CEP126: variants seen among roughly 807,000 people sequenced by gnomAD.
CEP126 encodes the protein centrosomal protein of 126 kDa.
A neutral mutation model predicts 107.8 loss-of-function variants in CEP126; 74 were observed. The ratio of observed to expected loss-of-function variants is 0.69; its 90% CI spans 0.57 to 0.83. The LOEUF (loss-of-function observed/expected upper bound fraction) is 0.83, where lower values mean the gene tolerates loss of function less well. Among genes scored for constraint, CEP126 ranks in the 40% least tolerant of loss-of-function variants. The pLI is 0.00. For synonymous variants in CEP126, 449 were observed against 446.0 expected, an observed-to-expected ratio of 1.01 and a Z score of -0.08; for missense variants, 1,237 against 1,281.9, an observed-to-expected ratio of 0.96 and a Z score of 0.53.
chr11:101,990,989 T>A (rs1352735087), intron 9 of CEP126, among the ~76,000 whole-genome samples: 1 of 151,860 alleles, frequency 6.6e-6, no homozygotes, highest in Non-Finnish European at 1.5e-5. Flanking sequence ...CTGGGCAACA[T>A]GGTGAAACCC....
In CEP126 at chr11:101,922,719, T is replaced by G; in HGVS notation, c.207T>G (p.Asn69Lys). The stretch of plus-strand genomic sequence containing the variant: ...TGCAGCAACAAAAAATATGTCGAAA[T>G]CGAGCACGTAAATATTTTGTGGAGT... ...ILLQQQKICRNRARKYFVESN... is the reference protein window; with the variant it reads ...ILLQQQKICRKRARKYFVESN... Residue 69 changes from asparagine to lysine, a missense_variant, in exon 2 of 11, where the codon AAT becomes AAG. This residue lies in a region of CEP126 where 1,134 missense variants were observed against 1,150.5 expected (regional missense o/e 0.99). Transcript: ENST00000263468. 1 of 1,612,896 alleles carries G rather than the reference T, an allele frequency of 6.2e-7. No individual in the cohort carries two copies. Among genetic ancestry groups the G allele is most frequent in the Non-Finnish European group, 8.5e-7 (1 of 1,179,132 alleles).
intron 3 of CEP126, among the ~76,000 whole-genome samples, chr11:101,946,641 A>C (rs1940740627): frequency 6.6e-6 from 1 of 152,036 alleles, no homozygotes; most frequent in African/African-American, 2.4e-5. Context: ...CGGGTGGACC[A>C]CTGAGGTTGG....
chr11:101,921,934 C>G (rs746668294), intron 1 of CEP126, among the ~76,000 whole-genome samples: 1 of 150,174 alleles, frequency 6.7e-6, no homozygotes, highest in African/African-American at 2.4e-5. Flanking sequence ...TACAGGTACC[C>G]GCCACCACGC....
chr11:101,949,175 G>A (rs1465033652), intron 4 of CEP126, among the ~76,000 whole-genome samples: 1 of 152,210 alleles, frequency 6.6e-6, no homozygotes, highest in African/African-American at 2.4e-5. Flanking sequence ...GTAAGAGTAT[G>A]TGTACATCAT....
chr11:101,985,988 ATTTCTTTTTTTTT>A (rs1305059578), intron 8 of CEP126, among the ~76,000 whole-genome samples: 1 of 126,458 alleles, frequency 7.9e-6, no homozygotes, highest in African/African-American at 3.0e-5. Flanking sequence ...CTCTGAATTG[ATTTCTTTTTTTTT>A]TTTTTTTTTT....
chr11:101,952,789 A>C (rs1940830091), intron 4 of CEP126, among the ~76,000 whole-genome samples: 1 of 152,218 alleles, frequency 6.6e-6, no homozygotes, highest in African/African-American at 2.4e-5. Context: ...GAATGTAGAC[A>C]TGACAGTCAT....
At chr11:101,995,035 C>T (rs1386706834) in intron 10 of CEP126, among the ~76,000 whole-genome samples, 1 of 152,132 alleles carries the variant, frequency 6.6e-6, no homozygotes, top group Non-Finnish European at 1.5e-5. Flanking sequence ...GCCCTCCACC[C>T]CCGACAGGCC....
chr11:101,930,924 T>C (rs1940490003), intron 2 of CEP126, among the ~76,000 whole-genome samples: 1 of 152,216 alleles, frequency 6.6e-6, no homozygotes, highest in Non-Finnish European at 1.5e-5. Context: ...GAGTTTTAGT[T>C]GTACTTAGCG....
rs554382552 is a variant in CEP126, at chr11:101,941,442, A to G, written c.249-2823A>G. 1.2e-4 allele frequency among the ~76,000 whole-genome samples: 19 copies of G among 152,272 alleles called. No homozygotes were observed. The East Asian group carries it at 3.5e-3, about 28-fold the overall frequency. On this transcript the variant is annotated intron_variant, in intron 2 of 10. Transcript: ENST00000263468. ...TATTTCACTTAGCAGAATGTTTTCA[A>G]GGTTCATTTATGTGTAGCACATGCC...
intron 5 of CEP126, among the ~76,000 whole-genome samples, chr11:101,959,289 G>T (rs1940942539): frequency 1.3e-5 from 2 of 151,810 alleles, no homozygotes; most frequent in Admixed American, 6.6e-5. Flanking sequence ...CCGAGTAGCT[G>T]GGACTACAGG....
intron 1 of CEP126, among the ~76,000 whole-genome samples, chr11:101,919,590 A>G (rs1024939194): frequency 6.6e-6 from 1 of 152,290 alleles, no homozygotes; most frequent in Non-Finnish European, 1.5e-5. Context: ...CTTGAATACC[A>G]TATTTGAAAT....
At chr11:101,985,627 G>A (rs865980061) in intron 8 of CEP126, among the ~76,000 whole-genome samples, 1 of 152,076 alleles carries the variant, frequency 6.6e-6, no homozygotes, top group South Asian at 2.1e-4. Context: ...CATATCTCAT[G>A]TGTATGCAAA....
chr11:101,994,133 G>A (rs1941416345), intron 10 of CEP126, among the ~76,000 whole-genome samples: 1 of 152,224 alleles, frequency 6.6e-6, no homozygotes. Context: ...TACTCAGGAG[G>A]CTGAGGCAGG....
In CEP126 at chr11:101,958,382, A is replaced by G; in HGVS notation, c.705+16A>G. 1 of 1,602,912 alleles carries G rather than the reference A, an allele frequency of 6.2e-7. No homozygotes were observed. The highest frequency in any genetic ancestry group is 8.5e-7 in the Non-Finnish European group (1 of 1,171,962). ...CAATTTGCAAGTATGAAACTATAAA[A>G]ATGTTGTTAATATTTTAATTCCTTG... On this transcript the variant is annotated intron_variant, in intron 5 of 10. Coordinates refer to ENST00000263468, the MANE Select transcript of CEP126 (RefSeq NM_020802.4).
At chr11:101,978,547 A>G (rs749966666) in intron 7 of CEP126, 88 bp downstream of exon 7, 49 of 792,476 alleles carry the variant, frequency 6.2e-5, no homozygotes, top group Non-Finnish European at 9.8e-5. Flanking sequence ...CTCTTGCTGT[A>G]AACTGTATAC....
intron 2 of CEP126, among the ~76,000 whole-genome samples, chr11:101,933,187 A>T (rs992397844): frequency 6.6e-6 from 1 of 152,168 alleles, no homozygotes; most frequent in Admixed American, 6.6e-5. Context: ...GCCCTATGCT[A>T]TGTGCTGACA....
intron 6 of CEP126, among the ~76,000 whole-genome samples, chr11:101,965,760 A>G (rs999769198): frequency 1.3e-5 from 2 of 152,196 alleles, no homozygotes; most frequent in Admixed American, 1.3e-4. Context: ...CTGAGAAATA[A>G]ATATTTTTAA....
At chr11:101,946,658 G>A (rs1940740952) in intron 3 of CEP126, among the ~76,000 whole-genome samples, 3 of 151,772 alleles carry the variant, frequency 2.0e-5, no homozygotes, top group Non-Finnish European at 2.9e-5. Context: ...TTGGGAGTTC[G>A]AGACCAGCCT....
At chr11:101,950,107 G>A (rs1940790645) in intron 4 of CEP126, among the ~76,000 whole-genome samples, 1 of 152,204 alleles carries the variant, frequency 6.6e-6, no homozygotes, top group Non-Finnish European at 1.5e-5. Flanking sequence ...GAAGGGCAAA[G>A]AGAGAATATC....
Sources: gnomAD v4.1 joint callset for allele counts (sites outside exome capture counted in the v4.1 genomes callset) on GRCh38, gnomAD v4.1.1 for gene constraint, gnomAD v4.1.1 regional missense constraint, MANE v1.5 for transcripts, NCBI Gene and HGNC (gene_info 2026-07-23, HGNC 2026-07-21) for gene names.